The following PLEC variants were observed in gnomAD, a reference collection of about 807,000 sequenced individuals.
PLEC encodes the protein hemidesmosomal protein 1.
Under a neutral mutation model 392.8 loss-of-function variants are expected in PLEC, and 216 were observed. The ratio of observed to expected loss-of-function variants is 0.55; its 90% CI spans 0.49 to 0.62. The LOEUF (loss-of-function observed/expected upper bound fraction) is 0.62, where lower values mean the gene tolerates loss of function less well. PLEC is among the 20% of genes least tolerant of loss of function. PLEC has a pLI of 0.00. For synonymous variants in PLEC, 3,621 were observed against 2,980.6 expected (o/e 1.21, Z -7.00); for missense variants, 6,863 against 6,563.4 (o/e 1.05, Z -1.58).
At position 143,930,384 on chromosome 8, in the gene PLEC, C is replaced by T. The variant is rs1554713691; in HGVS notation, c.2457G>A (p.Glu819=). ...LLAVCDYKQV[E]VTVHKGDECQ... ...CAGTGGACCCCCGGCCTGCGCTCAC[C>T]TCCACCTGCTTATAGTCGCACACGG... The change falls in exon 20 of 32, where the codon GAG becomes GAA. Residue 819 remains glutamate, a splice_region_variant and synonymous_variant. Coordinates refer to ENST00000345136, the MANE Select transcript of PLEC (RefSeq NM_201384.3). 2 of 1,571,892 alleles carry T rather than the reference C, an allele frequency of 1.3e-6. No individual in the cohort carries two copies. The highest frequency in any genetic ancestry group is 1.7e-6 in the Non-Finnish European group (2 of 1,162,752).
intron 19 of PLEC, among the ~76,000 whole-genome samples, chr8:143,931,087 G>C (rs1827105751): frequency 1.3e-5 from 2 of 152,200 alleles, no homozygotes; most frequent in South Asian, 2.1e-4. Flanking sequence ...CAAACAGCTG[G>C]TGCCCCTTCT....
At chr8:143,963,868 A>G (rs1554741482) in intron 1 of PLEC, among the ~76,000 whole-genome samples, 1 of 140,058 alleles carries the variant, frequency 7.1e-6, no homozygotes, top group African/African-American at 2.7e-5. Context: ...GCTGGAGTGC[A>G]TTGGTGCAGT....
chr8:143,961,272 C>T (rs1331256372), intron 1 of PLEC, among the ~76,000 whole-genome samples: 1 of 151,604 alleles, frequency 6.6e-6, no homozygotes, highest in Non-Finnish European at 1.5e-5. Context: ...GTCGCCCAGG[C>T]TGGAGTGCAA....
chr8:143,933,297 G>A lies in PLEC; in HGVS notation c.1318C>T (p.Arg440Trp), dbSNP rs782622390. 41 of 1,612,882 alleles carry A rather than the reference G, an allele frequency of 2.5e-5. No individual in the cohort carries two copies. Among genetic ancestry groups the A allele is most frequent in the Middle Eastern group, 1.6e-4 (1 of 6,084 alleles). Reference sequence around the variant, plus strand: ...ATGCTATCCGCCTTGTCCAAGTCCCGTTCCACCTCCCCCGCCCGCTGTGGC... The same window carrying A: ...ATGCTATCCGCCTTGTCCAAGTCCCATTCCACCTCCCCCGCCCGCTGTGGC... ...KVPQRAGEVERDLDKADSMIR... is the reference protein window; with the variant it reads ...KVPQRAGEVEWDLDKADSMIR... Residue 440 changes from arginine to tryptophan, a missense_variant, in exon 13 of 32, where the codon CGG becomes TGG. Coordinates refer to ENST00000345136, the MANE Select transcript of PLEC (RefSeq NM_201384.3).
chr8:143,932,739 G>A, intron 14 of PLEC, 27 bp from the exon 15 acceptor site: 1 of 1,608,390 alleles, frequency 6.2e-7, no homozygotes, highest in African/African-American at 1.3e-5. Flanking sequence ...GGTGAGGTCT[G>A]CAGTGGCTGG....
At chr8:143,937,911 A>C in intron 3 of PLEC, 1 of 634,782 alleles carries the variant, frequency 1.6e-6, no homozygotes, top group Non-Finnish European at 2.9e-6. Context: ...GGCAAGGCCC[A>C]GAGCAGCCGA....
chr8:143,956,148 A>G (rs1237625347), upstream of PLEC, among the ~76,000 whole-genome samples: 1 of 152,084 alleles, frequency 6.6e-6, no homozygotes, highest in South Asian at 2.1e-4. Flanking sequence ...GGGTTTCACC[A>G]TGTTGGTCAG....
At position 143,917,901 on chromosome 8, in the gene PLEC, C is replaced by T. The variant is rs782086000; in HGVS notation, c.11920G>A (p.Gly3974Ser). The T allele has an allele frequency of 2.8e-5, 45 of 1,612,908 alleles. No individual in the cohort carries two copies. The highest frequency in any genetic ancestry group is 3.3e-5 in the South Asian group (3 of 91,070). Residue 3974 changes from glycine (G) to serine (S), a missense_variant, in exon 32 of 32, where the codon GGT (glycine) becomes AGT (serine). Gly to Ser is a moderately conservative substitution (Grantham distance 56, BLOSUM62 0). Transcript: ENST00000345136. ...FELLEAQAAT[G>S]YVIDPIKGLK... Reference sequence around the variant, plus strand: ...CCCTTGATGGGGTCGATGACGTAACCGGTGGCCGCCTGCGCCTCCAGGAGC... The same window carrying T: ...CCCTTGATGGGGTCGATGACGTAACTGGTGGCCGCCTGCGCCTCCAGGAGC...
rs781835514 is a variant in PLEC at position 143,934,999 on chromosome 8, C to T, written c.825+12G>A. 6 of 1,611,924 alleles carry T rather than the reference C, an allele frequency of 3.7e-6. No homozygotes were observed. The South Asian group carries it at 5.5e-5, about 15-fold the overall frequency. On this transcript the variant is annotated intron_variant, in intron 8 of 31. Transcript: ENST00000345136. ...AGGCCCAAGCCCCCTGCCCTCCGGG[C>T]CCCCCACTCACGTTGGCCCTCACCC...
chr8:143,974,188 C>G (rs1833575972), upstream of PLEC, among the ~76,000 whole-genome samples: 1 of 152,224 alleles, frequency 6.6e-6, no homozygotes, highest in Admixed American at 6.5e-5. This position sits in a 1 kb window ranked among gnomAD's most constrained non-coding sequence, Gnocchi z 5.9. Context: ...AGGAAACCGT[C>G]AGAGGACGCA....
chr8:143,944,088 G>A (rs1464017419), upstream of PLEC: 5 of 728,552 alleles, frequency 6.9e-6, no homozygotes, highest in Admixed American at 3.0e-5. Flanking sequence ...CTCCCTCCGC[G>A]GGTCCGGCCC....
intron 1 of PLEC, among the ~76,000 whole-genome samples, chr8:143,948,526 G>C (rs1039044625): frequency 1.3e-5 from 2 of 152,178 alleles, no homozygotes; most frequent in African/African-American, 4.8e-5. Context: ...AGCTCAGCCC[G>C]TGAGGTCCAG....
rs1554743397 is a variant in PLEC, at chr8:143,969,257, G to T, written c.70+4146C>A. Among the ~76,000 whole-genome samples, 1 of 152,214 alleles carries T rather than the reference G, an allele frequency of 6.6e-6. No homozygotes were observed. Among genetic ancestry groups the T allele is most frequent in the African/African-American group, 2.4e-5 (1 of 41,472 alleles). ...GCAAGTCGAAGAGGCCAGACCCAGG[G>T]CCAGTACAGGCCAATCCATAACCAT... On this transcript the variant is annotated intron_variant, in intron 1 of 31. Coordinates refer to the PLEC transcript ENST00000356346. This position sits in a 1 kb window ranked among gnomAD's most constrained non-coding sequence, Gnocchi z 5.1.
intron 10 of PLEC, 90 bp downstream of exon 10, chr8:143,934,545 C>T (rs1828437196): frequency 1.3e-6 from 2 of 1,599,686 alleles, no homozygotes; most frequent in Non-Finnish European, 8.6e-7. Flanking sequence ...CAGCCCTGGT[C>T]CCAAAGGCAG....
chr8:143,931,856 T>G (rs1554715764), intron 18 of PLEC, 81 bp downstream of exon 18: 2 of 1,433,004 alleles, frequency 1.4e-6, no homozygotes, highest in Non-Finnish European at 1.9e-6. Flanking sequence ...GGAGGGCTCC[T>G]GATTGGAGCT....
At position 143,925,637 on chromosome 8, in the gene PLEC, G is replaced by A. The variant is rs782438706; in HGVS notation, c.4292C>T (p.Ala1431Val). The A allele has an allele frequency of 2.1e-5, 33 of 1,583,278 alleles. No homozygotes were observed. The highest frequency in any genetic ancestry group is 4.0e-5 in the African/African-American group (3 of 74,468). The change falls in exon 31 of 32, where the codon GCG becomes GTG. Residue 1431 changes from alanine (A) to valine (V), a missense_variant. Coordinates refer to ENST00000345136, the MANE Select transcript of PLEC (RefSeq NM_201384.3). ...ELQQLRQSSE[A>V]EIQAKARQAE... ...CTGCCGGGCCTTGGCCTGGATCTCC[G>A]CCTCCGAGCTCTGCCGCAGCTGCTG...
At chr8:143,952,977 C>T (rs569861500), upstream of PLEC, among the ~76,000 whole-genome samples, 6 of 139,618 alleles carry the variant, frequency 4.3e-5, no homozygotes, top group African/African-American at 1.3e-4. Flanking sequence ...ACACGCCCCC[C>T]TGCGGCATGC....
intron 25 of PLEC, 82 bp downstream of exon 25, chr8:143,929,021 G>T: frequency 1.5e-6 from 2 of 1,294,438 alleles, no homozygotes; most frequent in South Asian, 2.5e-5. Flanking sequence ...GTTCCCTCCT[G>T]CACCCTCCTG....
At chr8:143,938,548 A>C in intron 2 of PLEC, 83 bp downstream of exon 2, 1 of 1,548,006 alleles carries the variant, frequency 6.5e-7, no homozygotes, top group Non-Finnish European at 8.9e-7. Context: ...GCATGGGGAC[A>C]GCCTTGGGCG....
Sources: gnomAD v4.1 joint callset for allele counts (sites outside exome capture counted in the v4.1 genomes callset) on GRCh38, gnomAD v4.1.1 for gene constraint, Gnocchi (gnomAD v3.1) non-coding constraint, MANE v1.5 for transcripts, NCBI Gene and HGNC (gene_info 2026-07-23, HGNC 2026-07-21) for gene names.